MLIP: variants seen among roughly 807,000 people sequenced by gnomAD.
The protein encoded by MLIP is muscular LMNA interacting protein.
A neutral mutation model predicts 84.8 loss-of-function variants in MLIP; 79 were observed. That is an observed-to-expected ratio of 0.93 (90% CI 0.78 to 1.12). MLIP has a LOEUF of 1.12. Among genes scored for constraint, MLIP ranks in the 50% most tolerant of loss-of-function variants. The pLI is 0.00. For missense variants in MLIP, 1,257 were observed against 1,160.6 expected, an observed-to-expected ratio of 1.08 and a Z score of -1.21; for synonymous variants, 504 against 463.0, an observed-to-expected ratio of 1.09 and a Z score of -1.14.
At chr6:54,054,725 C>T (rs989924844) in intron 1 of MLIP, among the ~76,000 whole-genome samples, 11 of 152,190 alleles carry the variant, frequency 7.2e-5, no homozygotes, top group East Asian at 3.8e-4. Context: ...TCTCTGGCAG[C>T]TTCCCGTTAA....
chr6:54,225,064 C>CT (rs1780486326), intron 11 of MLIP, among the ~76,000 whole-genome samples: 1 of 152,264 alleles, frequency 6.6e-6, no homozygotes, highest in Admixed American at 6.5e-5. Flanking sequence ...GTGCAAGCAT[C>CT]TTTTTTGAAT....
At chr6:54,094,796 C>G (rs1009635942) in intron 1 of MLIP, among the ~76,000 whole-genome samples, 5 of 152,104 alleles carry the variant, frequency 3.3e-5, no homozygotes, top group Admixed American at 6.6e-5. Context: ...GCATCTGTTT[C>G]TCTTCTCAGT....
chr6:54,156,191 C>CA (rs1265536104), intron 5 of MLIP, among the ~76,000 whole-genome samples: 1 of 151,988 alleles, frequency 6.6e-6, no homozygotes, highest in African/African-American at 2.4e-5. Flanking sequence ...TGGTGTATAT[C>CA]ACAATGATAC....
chr6:54,237,524 T>C (rs527992591), intron 12 of MLIP, among the ~76,000 whole-genome samples: 14 of 152,010 alleles, frequency 9.2e-5, no homozygotes, highest in African/African-American at 3.1e-4. Context: ...TATGATCTAA[T>C]TTTGAAGTCC....
chr6:54,108,853 A>G (rs1251440632), upstream of MLIP, among the ~76,000 whole-genome samples: 1 of 152,090 alleles, frequency 6.6e-6, no homozygotes, highest in Non-Finnish European at 1.5e-5. Context: ...AGAGGAAAGG[A>G]CAGAATGAGA....
At chr6:54,119,065 A>G (rs1770206998) in intron 1 of MLIP, among the ~76,000 whole-genome samples, 1 of 70,298 alleles carries the variant, frequency 1.4e-5, no homozygotes, top group Non-Finnish European at 2.9e-5. Context: ...AGAATGTAAG[A>G]AAAGGGAACA....
chr6:54,096,530 C>T (rs570483345), intron 1 of MLIP, among the ~76,000 whole-genome samples: 2 of 152,200 alleles, frequency 1.3e-5, no homozygotes, highest in South Asian at 2.1e-4. Context: ...GGGAAGCCCA[C>T]AGCTGGTGAA....
At chr6:54,195,481 T>C (rs1313025130) in intron 10 of MLIP, among the ~76,000 whole-genome samples, 2 of 152,100 alleles carry the variant, frequency 1.3e-5, no homozygotes, top group African/African-American at 4.8e-5. Context: ...TTAAAAATAT[T>C]GGTCATGGAT....
intron 1 of MLIP, among the ~76,000 whole-genome samples, chr6:54,088,883 G>A (rs978814129): frequency 6.6e-6 from 1 of 152,082 alleles, no homozygotes; most frequent in Non-Finnish European, 1.5e-5. Context: ...AGAAGTATGT[G>A]CTCAAATTAT....
At chr6:54,038,121 G>A (rs1764546875) in intron 1 of MLIP, among the ~76,000 whole-genome samples, 1 of 151,764 alleles carries the variant, frequency 6.6e-6, no homozygotes, top group African/African-American at 2.4e-5. Context: ...CCTGAGTAAG[G>A]GGACATACTA....
intron 13 of MLIP, among the ~76,000 whole-genome samples, chr6:54,263,675 T>A (rs560707548): frequency 6.6e-6 from 1 of 152,180 alleles, no homozygotes; most frequent in South Asian, 2.1e-4. Flanking sequence ...TGGCTTAATG[T>A]TTCAGAAGAA....
chr6:54,028,919 C>A (rs1763972693), intron 1 of MLIP: 1 of 152,176 alleles, frequency 6.6e-6, no homozygotes, highest in Non-Finnish European at 1.5e-5. Context: ...TGGCTGTCTA[C>A]CTCTATCTCC....
chr6:54,042,275 TC>T (rs1184143285), intron 1 of MLIP, among the ~76,000 whole-genome samples: 1 of 152,070 alleles, frequency 6.6e-6, no homozygotes, highest in Non-Finnish European at 1.5e-5. Flanking sequence ...ACCTAAAGCA[TC>T]TCTTGGAATT....
At chr6:54,121,215 C>T (rs899587291) in intron 1 of MLIP, among the ~76,000 whole-genome samples, 3 of 152,160 alleles carry the variant, frequency 2.0e-5, no homozygotes, top group African/African-American at 7.2e-5. Context: ...CCATCCCCTA[C>T]AACAGGATCT....
At chr6:54,217,939 C>T in intron 11 of MLIP, 5 of 985,338 alleles carry the variant, frequency 5.1e-6, no homozygotes, top group Non-Finnish European at 6.0e-6. Flanking sequence ...AGATAATTCG[C>T]TGGGGTGGAA....
chr6:54,021,520 G>A (rs1763498959), intron 1 of MLIP, among the ~76,000 whole-genome samples: 1 of 152,114 alleles, frequency 6.6e-6, no homozygotes, highest in African/African-American at 2.4e-5. Context: ...AAATTCATCA[G>A]TTTATTACAC....
chr6:54,094,387 C>T (rs550993587), intron 1 of MLIP, among the ~76,000 whole-genome samples: 3 of 152,112 alleles, frequency 2.0e-5, no homozygotes, highest in Admixed American at 6.5e-5. Context: ...ATAAAGCAGC[C>T]TCAGTCTGCA....
chr6:54,251,904 A>T (rs1258498213), intron 12 of MLIP, among the ~76,000 whole-genome samples: 1 of 82,592 alleles, frequency 1.2e-5, no homozygotes, highest in African/African-American at 7.2e-5. Context: ...TATATATTAT[A>T]ACATATAATA....
At chr6:54,058,451 C>T (rs373020061) in intron 1 of MLIP, among the ~76,000 whole-genome samples, 1 of 152,174 alleles carries the variant, frequency 6.6e-6, no homozygotes, top group Admixed American at 6.6e-5. Flanking sequence ...TTGCATCTGT[C>T]TGGAGAAAGG....
Sources: allele counts gnomAD v4.1 joint callset (sites outside exome capture counted in the v4.1 genomes callset), GRCh38; gene constraint gnomAD v4.1.1; transcripts MANE v1.5; gene names NCBI Gene and HGNC (gene_info 2026-07-23, HGNC 2026-07-21).